Variants in ATP11B observed in about 807,000 individuals in gnomAD.
ATP11B encodes the protein phospholipid-transporting ATPase IF.
A neutral mutation model predicts 157.8 loss-of-function variants in ATP11B; 81 were observed. The observed-to-expected ratio is 0.51, with a 90% CI of 0.43 to 0.62. ATP11B has a LOEUF of 0.62. ATP11B is among the 20% of genes least tolerant of loss of function. The pLI, the probability that ATP11B is intolerant of heterozygous loss-of-function variation, is 0.00. For missense variants in ATP11B, 1,165 were observed against 1,402.2 expected, an observed-to-expected ratio of 0.83 and a Z score of 2.70; for synonymous variants, 451 against 469.4, an observed-to-expected ratio of 0.96 and a Z score of 0.51.
intron 10 of ATP11B, among the ~76,000 whole-genome samples, chr3:182,856,793 T>C (rs758169795): frequency 2.6e-5 from 4 of 152,216 alleles, no homozygotes; most frequent in Non-Finnish European, 2.9e-5. Context: ...GGTTCAATTA[T>C]GAAAGGCCTA....
At chr3:182,808,550 G>GT (rs1716465919) in intron 1 of ATP11B, among the ~76,000 whole-genome samples, 1 of 151,778 alleles carries the variant, frequency 6.6e-6, no homozygotes, top group Admixed American at 6.6e-5. Context: ...GCTTTTAACA[G>GT]TTTTTTTTAG....
intron 12 of ATP11B, among the ~76,000 whole-genome samples, chr3:182,862,570 G>A (rs1369160814): frequency 1.3e-5 from 2 of 152,158 alleles, no homozygotes; most frequent in African/African-American, 2.4e-5. Flanking sequence ...CTTTTAAAGA[G>A]ATTTCAGAAT....
At chr3:182,813,209 T>C (rs1716774657) in intron 1 of ATP11B, among the ~76,000 whole-genome samples, 1 of 152,200 alleles carries the variant, frequency 6.6e-6, no homozygotes, top group African/African-American at 2.4e-5. Flanking sequence ...AGCTCCTTCT[T>C]TCACTTCTTT....
In ATP11B at chr3:182,918,292, TTGAATC is replaced by T; in HGVS notation, c.*193_*198del. On this transcript the variant is annotated 3_prime_UTR_variant, in exon 30 of 30. Transcript: ENST00000323116. ...ACAAGCCCCTCCCAACACCCTTAAT[TTGAATC>T]TGAACATGTTAAAATTTGAGAATAA... 1.5e-6 allele frequency: 1 copy of T among 675,078 alleles called. No individual in the cohort carries two copies. The highest frequency in any genetic ancestry group is 3.1e-5 in the East Asian group (1 of 32,390). 41.8% of individuals were successfully genotyped at this position (675,078 alleles called of 1,614,324 possible).
intron 28 of ATP11B, among the ~76,000 whole-genome samples, chr3:182,913,400 A>G (rs1724928739): frequency 6.6e-6 from 1 of 152,154 alleles, no homozygotes; most frequent in Non-Finnish European, 1.5e-5. Flanking sequence ...GTTATTTCCC[A>G]GTCTTAAAGA....
chr3:182,906,884 C>G (rs138780101), intron 28 of ATP11B, among the ~76,000 whole-genome samples: 18,081 of 151,526 alleles, frequency 0.12, 1,397 homozygotes, highest in African/African-American at 0.23. Flanking sequence ...GTCAGGAGAC[C>G]GAGACCATCC....
At chr3:182,870,415 T>G (rs1224172933) in intron 17 of ATP11B, among the ~76,000 whole-genome samples, 1 of 152,206 alleles carries the variant, frequency 6.6e-6, no homozygotes, top group East Asian at 1.9e-4. Context: ...GTTTATGATT[T>G]TTTTCCCATT....
intron 1 of ATP11B, 83 bp from the exon 2 acceptor site, chr3:182,820,177 C>A: frequency 1.1e-6 from 1 of 890,242 alleles, no homozygotes. Context: ...TGTAATCTGA[C>A]CAGCTAAATA....
In ATP11B at chr3:182,869,156, C is replaced by G. The variant is rs1721460810; in HGVS notation, c.1762+5C>G. Reference sequence around the variant, plus strand: ...TAATTGTTCAGGCACCTTCAGGTAACCAATCTAAACTTTCATGAATTTTTA... The same window carrying G: ...TAATTGTTCAGGCACCTTCAGGTAAGCAATCTAAACTTTCATGAATTTTTA... On this transcript the variant is annotated splice_donor_5th_base_variant and intron_variant, in intron 16 of 29. Coordinates refer to ENST00000323116, the MANE Select transcript of ATP11B (RefSeq NM_014616.3). 1 of 1,606,468 alleles carries G rather than the reference C, an allele frequency of 6.2e-7. No homozygotes were observed. Among genetic ancestry groups the G allele is most frequent in the Non-Finnish European group, 8.5e-7 (1 of 1,176,128 alleles).
chr3:182,834,704 T>G (rs1407241798), intron 4 of ATP11B, among the ~76,000 whole-genome samples: 1 of 152,238 alleles, frequency 6.6e-6, no homozygotes, highest in Admixed American at 6.5e-5. Flanking sequence ...AAAGATTCTT[T>G]GTGAAATGCT....
At chr3:182,909,415 A>G (rs1470067830) in intron 28 of ATP11B, among the ~76,000 whole-genome samples, 1 of 152,216 alleles carries the variant, frequency 6.6e-6, no homozygotes, top group Non-Finnish European at 1.5e-5. Flanking sequence ...GTAAATTAAA[A>G]GTTACCTCTT....
intron 28 of ATP11B, among the ~76,000 whole-genome samples, chr3:182,903,722 T>C (rs1384631326): frequency 6.6e-6 from 1 of 152,228 alleles, no homozygotes; most frequent in African/African-American, 2.4e-5. Context: ...AATATGTGTA[T>C]CACAATTTTA....
At chr3:182,799,284 T>TC (rs200982338) in intron 1 of ATP11B, among the ~76,000 whole-genome samples, 190 of 144,136 alleles carry the variant, frequency 1.3e-3, no homozygotes, top group South Asian at 0.012. Context: ...TTTCTTTCTT[T>TC]TTTTTTTTTT....
At chr3:182,846,605 T>A (rs1719551030) in intron 9 of ATP11B, among the ~76,000 whole-genome samples, 1 of 152,082 alleles carries the variant, frequency 6.6e-6, no homozygotes, top group South Asian at 2.1e-4. Flanking sequence ...ATAAGCAAAA[T>A]ATGGTATATC....
intron 21 of ATP11B, among the ~76,000 whole-genome samples, chr3:182,883,222 A>G (rs1722548797): frequency 3.9e-5 from 6 of 152,178 alleles, no homozygotes; most frequent in Admixed American, 3.3e-4. Context: ...AGCAGTGTCC[A>G]TAATCTGTTA....
intron 2 of ATP11B, 51 bp downstream of exon 2, chr3:182,820,427 T>C (rs1286676074): frequency 1.6e-6 from 2 of 1,257,446 alleles, no homozygotes; most frequent in Non-Finnish European, 2.3e-6. Context: ...CTCATACCCA[T>C]CATCCCAGCA....
intron 2 of ATP11B, among the ~76,000 whole-genome samples, chr3:182,823,782 A>C (rs1260006256): frequency 6.6e-6 from 1 of 151,858 alleles, no homozygotes; most frequent in Non-Finnish European, 1.5e-5. Context: ...GTAGTGACAC[A>C]GTTCTTAAGA....
At chr3:182,916,895 C>A (rs1452128900) in intron 29 of ATP11B, 1 of 981,854 alleles carries the variant, frequency 1.0e-6, no homozygotes, top group Non-Finnish European at 1.2e-6. Context: ...TACTTGTCCC[C>A]TGTAAATACT....
At chr3:182,846,038 A>G (rs1407464511) in intron 9 of ATP11B, among the ~76,000 whole-genome samples, 1 of 152,204 alleles carries the variant, frequency 6.6e-6, no homozygotes, top group African/African-American at 2.4e-5. Context: ...ATGAATAAGT[A>G]CTGCTCTTGT....
Sources: gnomAD v4.1 joint callset for allele counts (sites outside exome capture counted in the v4.1 genomes callset) on GRCh38, gnomAD v4.1.1 for gene constraint, MANE v1.5 for transcripts, NCBI Gene and HGNC (gene_info 2026-07-23, HGNC 2026-07-21) for gene names.